The following PLEKHG1 variants were observed in gnomAD, a reference collection of about 807,000 sequenced individuals.
PLEKHG1 encodes pleckstrin homology and RhoGEF domain containing G1, also known as pleckstrin homology domain-containing family G member 1.
Under a neutral mutation model 100.8 loss-of-function variants are expected in PLEKHG1, and 44 were observed. That is an observed-to-expected ratio of 0.44 (90% CI 0.34 to 0.56). The LOEUF is 0.56. Ranked by LOEUF, PLEKHG1 falls within the 20% of genes least tolerant of loss-of-function variation. PLEKHG1 has a pLI of 0.01. For missense variants in PLEKHG1, 1,545 were observed against 1,720.9 expected, an observed-to-expected ratio of 0.90 and a Z score of 1.81; for synonymous variants, 640 against 662.5, an observed-to-expected ratio of 0.97 and a Z score of 0.52.
intron 2 of PLEKHG1, among the ~76,000 whole-genome samples, chr6:150,757,789 A>T (rs938288740): frequency 6.6e-6 from 1 of 152,168 alleles, no homozygotes; most frequent in Non-Finnish European, 1.5e-5. Flanking sequence ...TGCTGTGCAG[A>T]TCAACCCATC....
intron 3 of PLEKHG1, among the ~76,000 whole-genome samples, chr6:150,777,724 C>T (rs2084289188): frequency 7.2e-6 from 1 of 139,034 alleles, no homozygotes; most frequent in Non-Finnish European, 1.5e-5. Context: ...GCACATTACA[C>T]TGATGCAATC....
At chr6:150,794,740 C>T (rs1489143178) in intron 4 of PLEKHG1, among the ~76,000 whole-genome samples, 1 of 150,494 alleles carries the variant, frequency 6.6e-6, no homozygotes, top group Non-Finnish European at 1.5e-5. Context: ...GAATTTAATT[C>T]AGAATGATGG....
chr6:150,823,781 C>A, intron 14 of PLEKHG1, 105 bp downstream of exon 15: 1 of 772,264 alleles, frequency 1.3e-6, no homozygotes, highest in East Asian at 2.5e-5. Context: ...CAAGTGTCAA[C>A]AGTTATTTTA....
At chr6:150,733,989 C>G in exon 2 of PLEKHG1, 2 of 1,614,204 alleles carry the variant, frequency 1.2e-6, no homozygotes, top group Non-Finnish European at 1.7e-6. Flanking sequence ...AAGACGATCG[C>G]AGACTCGGCC....
intron 1 of PLEKHG1, among the ~76,000 whole-genome samples, chr6:150,634,535 A>C (rs1777909957): frequency 6.6e-6 from 1 of 152,222 alleles, no homozygotes; most frequent in Admixed American, 6.5e-5. Context: ...AGAGGTCAGA[A>C]ACTCAGCTTT....
intron 2 of PLEKHG1, among the ~76,000 whole-genome samples, chr6:150,759,235 C>T (rs1784023519): frequency 6.6e-6 from 1 of 152,194 alleles, no homozygotes; most frequent in African/African-American, 2.4e-5. Context: ...TGAAGGAAAA[C>T]ATGCCATGGG....
chr6:150,807,702 C>CG (rs1490502813), intron 7 of PLEKHG1, among the ~76,000 whole-genome samples: 1 of 152,062 alleles, frequency 6.6e-6, no homozygotes, highest in Admixed American at 6.6e-5. Flanking sequence ...GGCCAGGCGC[C>CG]GGGGCTCACA....
At chr6:150,809,848 G>A (rs547408357) in intron 10 of PLEKHG1, 114 bp downstream of exon 11, 63 of 593,988 alleles carry the variant, frequency 1.1e-4, no homozygotes, top group Non-Finnish European at 1.6e-4. Flanking sequence ...CAGACTGGGC[G>A]ACAGAGTGAG....
intron 3 of PLEKHG1, among the ~76,000 whole-genome samples, chr6:150,772,660 T>C (rs1456621082): frequency 6.6e-6 from 1 of 152,238 alleles, no homozygotes; most frequent in Non-Finnish European, 1.5e-5. Context: ...AAACATGGCA[T>C]ACATGGTGTC....
chr6:150,634,830 A>G (rs563517876), intron 1 of PLEKHG1, among the ~76,000 whole-genome samples: 2 of 152,328 alleles, frequency 1.3e-5, no homozygotes, highest in African/African-American at 4.8e-5. Context: ...TCATACAGAC[A>G]CCAGCATCTT....
chr6:150,744,203 T>C (rs1783029879), intron 2 of PLEKHG1, among the ~76,000 whole-genome samples: 1 of 152,204 alleles, frequency 6.6e-6, no homozygotes, highest in Admixed American at 6.5e-5. Context: ...GCCTCCCAAG[T>C]AGCTGGGACT....
chr6:150,650,266 G>C (rs1778674911), intron 2 of PLEKHG1, among the ~76,000 whole-genome samples: 1 of 152,088 alleles, frequency 6.6e-6, no homozygotes, highest in Non-Finnish European at 1.5e-5. Flanking sequence ...GGGATGCTGC[G>C]GTGGAGAAGG....
chr6:150,788,969 T>C (rs998820412), intron 4 of PLEKHG1, among the ~76,000 whole-genome samples: 6 of 152,216 alleles, frequency 3.9e-5, no homozygotes, highest in African/African-American at 1.2e-4. Context: ...GATAGTCATA[T>C]GATTAGAGTG....
chr6:150,773,168 A>G (rs1178623026), intron 3 of PLEKHG1, among the ~76,000 whole-genome samples: 1 of 152,166 alleles, frequency 6.6e-6, no homozygotes, highest in Non-Finnish European at 1.5e-5. Flanking sequence ...TGTGCCTAAC[A>G]TTGATGGAGG....
intron 5 of PLEKHG1, 72 bp downstream of exon 6, chr6:150,795,974 A>C: frequency 1.0e-6 from 1 of 955,922 alleles, no homozygotes; most frequent in Admixed American, 1.7e-5. Flanking sequence ...GGTGCAGTAC[A>C]CATGGTTGTT....
At chr6:150,659,448 A>G (rs1779097362) in intron 3 of PLEKHG1, among the ~76,000 whole-genome samples, 1 of 152,152 alleles carries the variant, frequency 6.6e-6, no homozygotes, top group Non-Finnish European at 1.5e-5. Context: ...CTTCATTGGG[A>G]GGCCTCAGGC....
chr6:150,688,406 C>T (rs187014106), intron 3 of PLEKHG1, among the ~76,000 whole-genome samples: 14 of 152,122 alleles, frequency 9.2e-5, no homozygotes, highest in East Asian at 1.9e-4. Context: ...CCGCAACCTC[C>T]GCCTCCCGGG....
chr6:150,822,212 G>T (rs929189540), intron 13 of PLEKHG1, among the ~76,000 whole-genome samples: 5 of 144,706 alleles, frequency 3.5e-5, no homozygotes, highest in Admixed American at 6.8e-5. Context: ...ACACAAACTG[G>T]CAATAAAAAT....
At chr6:150,609,618 T>A (rs964882379) in intron 1 of PLEKHG1, among the ~76,000 whole-genome samples, 10 of 152,116 alleles carry the variant, frequency 6.6e-5, no homozygotes, top group African/African-American at 2.4e-4. Context: ...GGCAGTGTGA[T>A]GCAAAGCTAC....
Sources: gnomAD v4.1 joint callset for allele counts (sites outside exome capture counted in the v4.1 genomes callset) on GRCh38, gnomAD v4.1.1 for gene constraint, MANE v1.5 for transcripts, NCBI Gene and HGNC (gene_info 2026-07-23, HGNC 2026-07-21) for gene names.